The following LINGO2 variants were observed in gnomAD, a reference collection of about 807,000 sequenced individuals.
LINGO2 encodes leucine rich repeat and Ig domain containing 2.
Under a neutral mutation model 30.6 loss-of-function variants are expected in LINGO2, and 14 were observed. That is an observed-to-expected ratio of 0.46 (90% CI 0.30 to 0.72). The LOEUF (loss-of-function observed/expected upper bound fraction) is 0.72, where lower values mean the gene tolerates loss of function less well. Ranked by LOEUF, LINGO2 falls within the 30% of genes least tolerant of loss-of-function variation. LINGO2 has a pLI of 0.07. For synonymous variants in LINGO2, 317 were observed against 288.5 expected (o/e 1.10, Z -1.00); for missense variants, 729 against 751.7 (o/e 0.97, Z 0.35).
At chr9:28,384,233 A>G (rs1444936628) in intron 2 of LINGO2, among the ~76,000 whole-genome samples, 2 of 150,904 alleles carry the variant, frequency 1.3e-5, no homozygotes, top group African/African-American at 2.4e-5. Flanking sequence ...ATGCTCCTCT[A>G]TAACTCCAAA....
intron 5 of LINGO2, among the ~76,000 whole-genome samples, chr9:27,970,505 G>T (rs1246002220): frequency 9.2e-6 from 1 of 108,950 alleles, no homozygotes; most frequent in East Asian, 3.4e-4. Context: ...CTGCCTTTTG[G>T]GGGGCATTGT....
the LINGO2 span, among the ~76,000 whole-genome samples, chr9:28,759,857 T>G: frequency 6.6e-6 from 1 of 151,870 alleles, no homozygotes; most frequent in Admixed American, 6.6e-5. Context: ...TTCAAAAATA[T>G]AGAAGAAAAA....
At chr9:29,156,686 T>G in the LINGO2 span, among the ~76,000 whole-genome samples, 1 of 152,070 alleles carries the variant, frequency 6.6e-6, no homozygotes. Context: ...ATTACTAACG[T>G]AATACTTTAT....
chr9:28,639,281 A>C (rs2135925505), intron 1 of LINGO2, among the ~76,000 whole-genome samples: 1 of 152,260 alleles, frequency 6.6e-6, no homozygotes, highest in South Asian at 2.1e-4. Context: ...TGGTACTGAG[A>C]AGAATGTATA....
the LINGO2 span, among the ~76,000 whole-genome samples, chr9:28,716,586 T>G: frequency 1.3e-5 from 2 of 152,106 alleles, no homozygotes; most frequent in Non-Finnish European, 2.9e-5. Context: ...AAACAGATTG[T>G]GCAGTGTATT....
chr9:28,019,041 G>C (rs935563257), intron 4 of LINGO2, among the ~76,000 whole-genome samples: 1 of 152,170 alleles, frequency 6.6e-6, no homozygotes, highest in African/African-American at 2.4e-5. Context: ...ACCAAATACT[G>C]CATGTTCTCA....
the LINGO2 span, among the ~76,000 whole-genome samples, chr9:28,758,680 A>C: frequency 6.6e-6 from 1 of 152,076 alleles, no homozygotes; most frequent in South Asian, 2.1e-4. Flanking sequence ...TCAAGAAATT[A>C]TTTAGGTAGA....
At chr9:28,694,724 A>G in the LINGO2 span, among the ~76,000 whole-genome samples, 1 of 151,992 alleles carries the variant, frequency 6.6e-6, no homozygotes, top group African/African-American at 2.4e-5. Flanking sequence ...TCCAGCTGTA[A>G]AGGCCATGCT....
At chr9:28,444,830 C>T (rs978931705) in intron 2 of LINGO2, among the ~76,000 whole-genome samples, 1 of 152,194 alleles carries the variant, frequency 6.6e-6, no homozygotes, top group African/African-American at 2.4e-5. Flanking sequence ...TTACATACCC[C>T]TTGCCACTCT....
intron 2 of LINGO2, among the ~76,000 whole-genome samples, chr9:28,450,519 AT>A (rs1824607135): frequency 6.6e-6 from 1 of 152,072 alleles, no homozygotes; most frequent in South Asian, 2.1e-4. Flanking sequence ...ATTTGATTAG[AT>A]TAGGATCCTT....
chr9:28,343,212 G>T (rs1587500188), intron 3 of LINGO2, among the ~76,000 whole-genome samples: 2 of 152,168 alleles, frequency 1.3e-5, no homozygotes, highest in African/African-American at 4.8e-5. Flanking sequence ...GTCATACAAT[G>T]AAGCATCATA....
intron 4 of LINGO2, among the ~76,000 whole-genome samples, chr9:28,063,748 T>C (rs1252777155): frequency 1.3e-5 from 2 of 152,180 alleles, no homozygotes; most frequent in East Asian, 1.9e-4. Context: ...AAATGGTTTA[T>C]ATTTCTCCAA....
intron 4 of LINGO2, among the ~76,000 whole-genome samples, chr9:28,040,921 T>C (rs1369049719): frequency 6.6e-6 from 1 of 152,172 alleles, no homozygotes; most frequent in African/African-American, 2.4e-5. Flanking sequence ...GGTAGAGGAA[T>C]TGACCTATAG....
chr9:27,963,625 C>G (rs73439714), intron 5 of LINGO2, among the ~76,000 whole-genome samples: 1 of 151,384 alleles, frequency 6.6e-6, no homozygotes, highest in Non-Finnish European at 1.5e-5. Context: ...ATGGATAGCA[C>G]AGAAATCTCT....
chr9:28,550,065 T>C (rs894702363), intron 1 of LINGO2, among the ~76,000 whole-genome samples: 2 of 151,928 alleles, frequency 1.3e-5, no homozygotes, highest in African/African-American at 4.8e-5. Context: ...CTTTGCATTT[T>C]ATATTTTAAA....
chr9:28,280,067 C>T (rs1252122428), intron 4 of LINGO2, among the ~76,000 whole-genome samples: 5 of 152,084 alleles, frequency 3.3e-5, no homozygotes, highest in African/African-American at 1.2e-4. Context: ...TAACTATCTT[C>T]TGACTGATTT....
intron 2 of LINGO2, among the ~76,000 whole-genome samples, chr9:28,427,248 T>C (rs1427218138): frequency 6.6e-6 from 1 of 152,088 alleles, no homozygotes; most frequent in African/African-American, 2.4e-5. Context: ...AAGAGCTCCC[T>C]TCTCTCCTGA....
chr9:28,784,824 C>T, the LINGO2 span, among the ~76,000 whole-genome samples: 2 of 151,812 alleles, frequency 1.3e-5, no homozygotes, highest in Non-Finnish European at 2.9e-5. Flanking sequence ...TGGTGGCGTG[C>T]ACCTGTAATC....
At chr9:27,986,032 A>AG (rs1431687375) in intron 5 of LINGO2, among the ~76,000 whole-genome samples, 1 of 151,876 alleles carries the variant, frequency 6.6e-6, no homozygotes, top group African/African-American at 2.4e-5. Flanking sequence ...CCTTTTAGAA[A>AG]GTAAACTGCC....
Sources: allele counts gnomAD v4.1 joint callset (sites outside exome capture counted in the v4.1 genomes callset), GRCh38; gene constraint gnomAD v4.1.1; transcripts MANE v1.5; gene names NCBI Gene and HGNC (gene_info 2026-07-23, HGNC 2026-07-21).